The following BIRC6 variants were observed in gnomAD, a reference collection of about 807,000 sequenced individuals.
BIRC6 encodes the protein baculoviral IAP repeat containing 6.
Under a neutral mutation model 503.3 loss-of-function variants are expected in BIRC6, and 98 were observed. That is an observed-to-expected ratio of 0.19 (90% CI 0.17 to 0.23). The LOEUF is 0.23. BIRC6 is among the 10% of genes least tolerant of loss of function. The pLI, the probability that BIRC6 is intolerant of heterozygous loss-of-function variation, is 1.00. For missense variants in BIRC6, 5,360 were observed against 5,806.0 expected (o/e 0.92, Z 2.50); for synonymous variants, 2,240 against 2,078.7 (o/e 1.08, Z -2.11).
chr2:32,529,777 C>G lies in BIRC6; in HGVS notation c.12047C>G (p.Pro4016Arg), dbSNP rs775586270. ...TTGGGATCAAGAGTTATAACAGACC[C>G]CAGTCTATCAAAAACAGATTCTTAT... ...VKLGSRVITDPSLSKTDSYKR... is the reference protein window; with the variant it reads ...VKLGSRVITDRSLSKTDSYKR... Residue 4016 changes from proline (P) to arginine (R), a missense_variant, in exon 60 of 74, where the codon CCC becomes CGC. By Grantham distance (103) the Pro-to-Arg change is moderately radical. Transcript: ENST00000421745. 1 of 1,612,728 alleles carries G rather than the reference C, an allele frequency of 6.2e-7. No homozygotes were observed.
At chr2:32,583,011 A>T (rs1446144151) in intron 66 of BIRC6, among the ~76,000 whole-genome samples, 2 of 152,192 alleles carry the variant, frequency 1.3e-5, no homozygotes, top group Non-Finnish European at 2.9e-5. Context: ...AGTTGTCCTC[A>T]ATTACACCTT....
intron 72 of BIRC6, among the ~76,000 whole-genome samples, chr2:32,608,151 G>T (rs1226543983): frequency 2.0e-5 from 3 of 151,140 alleles, no homozygotes; most frequent in Non-Finnish European, 4.4e-5. Flanking sequence ...TAAAAATTTA[G>T]CTGGGCATGG....
At chr2:32,389,900 C>T (rs2038990493) in intron 4 of BIRC6, among the ~76,000 whole-genome samples, 2 of 151,220 alleles carry the variant, frequency 1.3e-5, no homozygotes, top group South Asian at 4.2e-4. Flanking sequence ...TCGCTCGTTG[C>T]CCAGGCTGGA....
chr2:32,519,130 T>A, intron 57 of BIRC6, 184 bp downstream of exon 57: 1 of 562,110 alleles, frequency 1.8e-6, no homozygotes, highest in Non-Finnish European at 3.0e-6. Flanking sequence ...AAAATACTTT[T>A]AGGCACCCCT....
intron 33 of BIRC6, among the ~76,000 whole-genome samples, chr2:32,473,747 GTGTATT>G (rs753864336): frequency 1.7e-5 from 2 of 120,486 alleles, no homozygotes; most frequent in African/African-American, 6.7e-5. Flanking sequence ...GTGTGTGTGT[GTGTATT>G]TTTTTTTTTT....
intron 61 of BIRC6, among the ~76,000 whole-genome samples, chr2:32,542,382 G>A (rs911465308): frequency 6.6e-6 from 1 of 152,088 alleles, no homozygotes; most frequent in East Asian, 1.9e-4. Flanking sequence ...CAAGTTATAA[G>A]GAAGTAGGAT....
chr2:32,413,900 A>G (rs1194508879), intron 9 of BIRC6, among the ~76,000 whole-genome samples: 1 of 152,224 alleles, frequency 6.6e-6, no homozygotes, highest in African/African-American at 2.4e-5. Flanking sequence ...CAATGTAAAT[A>G]CTGAGTAAAA....
intron 23 of BIRC6, among the ~76,000 whole-genome samples, chr2:32,454,625 C>G (rs754676903): frequency 1.3e-5 from 2 of 152,086 alleles, no homozygotes; most frequent in Non-Finnish European, 2.9e-5. Context: ...GTTGTCTTAA[C>G]GTGATTCTTC....
At chr2:32,515,920 C>A in intron 55 of BIRC6, 150 bp downstream of exon 55, 1 of 719,194 alleles carries the variant, frequency 1.4e-6, no homozygotes, top group Middle Eastern at 4.0e-4. Flanking sequence ...CCTTTCTCCC[C>A]CTCAAAATAT....
chr2:32,414,533 G>A (rs1374861909), intron 9 of BIRC6, among the ~76,000 whole-genome samples: 1 of 152,118 alleles, frequency 6.6e-6, no homozygotes, highest in East Asian at 1.9e-4. Context: ...TGGGTGTGGT[G>A]GCGTGAGCTT....
In BIRC6 at chr2:32,545,808, C is replaced by T; in HGVS notation, c.12758C>T (p.Ala4253Val). 6.2e-7 allele frequency: 1 copy of T among 1,613,888 alleles called. No individual in the cohort carries two copies. Among genetic ancestry groups the T allele is most frequent in the Non-Finnish European group, 8.5e-7 (1 of 1,179,848 alleles). The change falls in exon 63 of 74, where the codon GCT becomes GTT. Residue 4253 changes from alanine (A) to valine (V), a missense_variant. Transcript: ENST00000421745. ...CACCTCATTCTTGTCTGTCTCTCTG[C>T]TTTGAGCCACCATTCCCCACGAGTT... ...ALHLILVCLS[A>V]LSHHSPRVPN...
chr2:32,379,729 T>C (rs1446914766), intron 2 of BIRC6: 1 of 153,924 alleles, frequency 6.5e-6, no homozygotes, highest in Non-Finnish European at 1.4e-5. Context: ...TGGATAACAA[T>C]GCAAAGGGCT....
chr2:32,443,581 A>C lies in BIRC6; in HGVS notation c.4329A>C (p.Thr1443=), dbSNP rs368815828. ...LDNMSFLPAA[T]TGGSVYWYFV... The stretch of plus-strand genomic sequence containing the variant: ...ATATGTCATTTTTACCTGCAGCAAC[A>C]ACTGGTGGTATGTAAAATTAATTTA... The change falls in exon 20 of 74, where the codon ACA becomes ACC. Residue 1443 remains threonine, a synonymous_variant. Coordinates refer to ENST00000421745, the MANE Select transcript of BIRC6 (RefSeq NM_016252.4). 37 of 1,595,090 alleles carry C rather than the reference A, an allele frequency of 2.3e-5. No individual in the cohort carries two copies. The highest frequency in any genetic ancestry group is 2.8e-5 in the Non-Finnish European group (33 of 1,168,482).
intron 57 of BIRC6, among the ~76,000 whole-genome samples, chr2:32,523,702 T>G (rs775537545): frequency 8.5e-5 from 13 of 152,244 alleles, no homozygotes; most frequent in Non-Finnish European, 1.6e-4. Flanking sequence ...ATTGTTTTAT[T>G]GTCTCAACCT....
chr2:32,606,874 G>T (rs1024343089), intron 71 of BIRC6, among the ~76,000 whole-genome samples: 1 of 151,902 alleles, frequency 6.6e-6, no homozygotes, highest in African/African-American at 2.4e-5. Context: ...TGGCGTGGTG[G>T]CAGGCATCTG....
chr2:32,494,261 C>G (rs1312212289), intron 45 of BIRC6, among the ~76,000 whole-genome samples: 2 of 151,152 alleles, frequency 1.3e-5, no homozygotes, highest in East Asian at 3.9e-4. Flanking sequence ...CAGAGTCTCG[C>G]TCTGTCGCCA....
rs749210679 is a variant in BIRC6 at position 32,415,616 on chromosome 2, A to G, written c.2325A>G (p.Ala775=). 5.6e-6 allele frequency: 9 copies of G among 1,613,862 alleles called. No homozygotes were observed. The highest frequency in any genetic ancestry group is 2.7e-5 in the African/African-American group (2 of 74,936). The change falls in exon 10 of 74, where the codon GCA becomes GCG. Residue 775 remains alanine (A), a synonymous_variant. Coordinates refer to ENST00000421745, the MANE Select transcript of BIRC6 (RefSeq NM_016252.4). ...ATAATTTAAATAAATTAAACTCTGCACTATGTAATAGACGGAAAGGTGAGC... is the reference window on the plus strand; with the variant it reads ...ATAATTTAAATAAATTAAACTCTGCGCTATGTAATAGACGGAAAGGTGAGC... ...ALNNLNKLNS[A]LCNRRKGELE...
chr2:32,549,191 G>T, intron 64 of BIRC6, 122 bp from the exon 65 acceptor site: 1 of 606,848 alleles, frequency 1.6e-6, no homozygotes, highest in Non-Finnish European at 2.6e-6. Flanking sequence ...TTAAAACATA[G>T]TATAAGATAC....
At chr2:32,562,507 G>A (rs911763726) in intron 65 of BIRC6, among the ~76,000 whole-genome samples, 1 of 152,148 alleles carries the variant, frequency 6.6e-6, no homozygotes, top group African/African-American at 2.4e-5. Context: ...ACAGTTGTGT[G>A]GGTTTTGACA....
Sources: allele counts gnomAD v4.1 joint callset (sites outside exome capture counted in the v4.1 genomes callset), GRCh38; gene constraint gnomAD v4.1.1; transcripts MANE v1.5; gene names NCBI Gene and HGNC (gene_info 2026-07-23, HGNC 2026-07-21).